Variants in TYR observed in about 807,000 individuals in gnomAD.
The protein encoded by TYR is tyrosinase.
TYR carries 58 observed loss-of-function variants against 51.5 expected under a neutral mutation model. That is an observed-to-expected ratio of 1.13 (90% CI 0.91 to 1.40). The LOEUF is 1.40. TYR is among the 40% of genes most tolerant of loss of function. The probability of loss-of-function intolerance (pLI) is 0.00; values close to 1 mark genes in which losing one functional copy is unlikely to be tolerated. For synonymous variants in TYR, 263 were observed against 235.2 expected, an observed-to-expected ratio of 1.12 and a Z score of -1.08; for missense variants, 732 against 647.4, an observed-to-expected ratio of 1.13 and a Z score of -1.42.
intron 3 of TYR, among the ~76,000 whole-genome samples, chr11:89,232,109 A>G (rs2135285041): frequency 7.0e-6 from 1 of 143,832 alleles, no homozygotes; most frequent in African/African-American, 2.7e-5. Flanking sequence ...TAGCACACGA[A>G]AAGTAAAAAG....
At chr11:89,231,303 C>T (rs1275914225) in intron 3 of TYR, among the ~76,000 whole-genome samples, 1 of 151,858 alleles carries the variant, frequency 6.6e-6, no homozygotes, top group African/African-American at 2.4e-5. Flanking sequence ...TCAGCAGTTC[C>T]ACTCCTGGGC....
At position 89,232,107 on chromosome 11, in the gene TYR, G is replaced by A. The variant is rs928920896; in HGVS notation, c.1184+4137G>A. 1.5e-4 allele frequency among the ~76,000 whole-genome samples: 22 copies of A among 143,354 alleles called. 2 individuals carry two copies. The highest frequency in any genetic ancestry group is 1.9e-4 in the Non-Finnish European group (13 of 66,690). The allele number at this position is 143,354 out of a possible 152,430, so 94.0% of individuals were successfully genotyped here. On this transcript the variant is annotated intron_variant, in intron 3 of 4. Coordinates refer to ENST00000263321, the MANE Select transcript of TYR (RefSeq NM_000372.5). Reference sequence around the variant, plus strand: ...TAGATTTTAACTGTTCTTAGCACACGAAAAGTAAAAAGTAAGTATGTGAAG... The same window carrying A: ...TAGATTTTAACTGTTCTTAGCACACAAAAAGTAAAAAGTAAGTATGTGAAG...
rs764567769 is a variant in TYR, at chr11:89,295,127, T to C, written c.1367-16T>C. The C allele has an allele frequency of 2.5e-6, 4 of 1,613,460 alleles. No individual in the cohort carries two copies. Among genetic ancestry groups the C allele is most frequent in the Non-Finnish European group, 3.4e-6 (4 of 1,179,698 alleles). On this transcript the variant is annotated splice_polypyrimidine_tract_variant and intron_variant, in intron 4 of 4. Coordinates refer to ENST00000263321, the MANE Select transcript of TYR (RefSeq NM_000372.5). The stretch of plus-strand genomic sequence containing the variant: ...GGTGGTAACAATAAAAACAATGGGA[T>C]GTCTTTTTATTTCAGACCCAGACTC...
intron 3 of TYR, among the ~76,000 whole-genome samples, chr11:89,234,288 T>G (rs1472581413): frequency 6.9e-6 from 1 of 143,918 alleles, no homozygotes; most frequent in Non-Finnish European, 1.5e-5. Context: ...AGCCTTGCTC[T>G]CAATTAGGCT....
chr11:89,243,114 T>G (rs1195986000), intron 3 of TYR, among the ~76,000 whole-genome samples: 1 of 152,196 alleles, frequency 6.6e-6, no homozygotes, highest in Non-Finnish European at 1.5e-5. Context: ...CTCAAAAGTT[T>G]GTAGGTTTTG....
intron 2 of TYR, among the ~76,000 whole-genome samples, chr11:89,208,167 G>A (rs1943697947): frequency 6.6e-6 from 1 of 152,226 alleles, no homozygotes; most frequent in Admixed American, 6.5e-5. Flanking sequence ...CTACTCGGGA[G>A]GCTGAGGCAG....
intron 2 of TYR, among the ~76,000 whole-genome samples, chr11:89,220,638 C>T (rs1455691520): frequency 6.6e-6 from 1 of 152,092 alleles, no homozygotes; most frequent in African/African-American, 2.4e-5. Context: ...CCTGTAATCC[C>T]AGCTACTCAG....
intron 3 of TYR, among the ~76,000 whole-genome samples, chr11:89,264,663 A>T (rs923986342): frequency 6.6e-6 from 1 of 151,754 alleles, no homozygotes; most frequent in Non-Finnish European, 1.5e-5. Context: ...CATGGAATCA[A>T]CCTAAATGTT....
intron 3 of TYR, among the ~76,000 whole-genome samples, chr11:89,230,312 C>A (rs886092180): frequency 1.3e-5 from 2 of 152,040 alleles, no homozygotes; most frequent in African/African-American, 4.8e-5. Context: ...CGTTTGGGGA[C>A]AATTGGATAT....
At chr11:89,251,452 G>A (rs1333344621) in intron 3 of TYR, among the ~76,000 whole-genome samples, 1 of 151,752 alleles carries the variant, frequency 6.6e-6, no homozygotes, top group East Asian at 1.9e-4. Flanking sequence ...GCATGCCCAA[G>A]ATACATCTTG....
intron 3 of TYR, among the ~76,000 whole-genome samples, chr11:89,240,580 T>A (rs572838160): frequency 6.6e-6 from 1 of 152,284 alleles, no homozygotes; most frequent in African/African-American, 2.4e-5. Context: ...CAGAAGTTAT[T>A]CCTTTTCATA....
Position 89,227,975 on chromosome 11 carries a change from G to T in TYR, c.1184+5G>T. The T allele has an allele frequency of 1.2e-6, 2 of 1,612,908 alleles. No homozygotes were observed. The highest frequency in any genetic ancestry group is 2.2e-5 in the South Asian group (2 of 91,064). On this transcript the variant is annotated splice_donor_5th_base_variant and intron_variant, in intron 3 of 4. Coordinates refer to ENST00000263321, the MANE Select transcript of TYR (RefSeq NM_000372.5). ...TCACCATGCATTTGTTGACAGGTTG[G>T]TTAATATTTCTTTATAAATAACGTG... is the stretch of plus-strand genomic sequence containing the variant.
At chr11:89,222,466 C>T (rs185403721) in intron 2 of TYR, among the ~76,000 whole-genome samples, 243 of 152,284 alleles carry the variant, frequency 1.6e-3, no homozygotes, top group African/African-American at 5.5e-3. Context: ...GTGCCGGGCA[C>T]GGTGTCTCAC....
intron 1 of TYR, among the ~76,000 whole-genome samples, chr11:89,189,037 A>G (rs1318195840): frequency 2.0e-5 from 3 of 152,122 alleles, no homozygotes; most frequent in Admixed American, 6.6e-5. Context: ...CAACTGAGAT[A>G]CAGGACTAGA....
At chr11:89,273,587 C>T (rs997959221) in intron 3 of TYR, among the ~76,000 whole-genome samples, 20 of 151,926 alleles carry the variant, frequency 1.3e-4, no homozygotes, top group African/African-American at 3.1e-4. Context: ...AGACATGACA[C>T]GAACACATGC....
chr11:89,255,977 T>C (rs1464490319), intron 3 of TYR, among the ~76,000 whole-genome samples: 1 of 151,730 alleles, frequency 6.6e-6, no homozygotes, highest in Non-Finnish European at 1.5e-5. Flanking sequence ...ATATTTTAAT[T>C]AAACAGTGGC....
chr11:89,211,745 G>C (rs368727511), intron 2 of TYR, among the ~76,000 whole-genome samples: 1 of 152,104 alleles, frequency 6.6e-6, no homozygotes, highest in African/African-American at 2.4e-5. Flanking sequence ...ACAACAAACT[G>C]TCTCTCAGAC....
At chr11:89,281,388 T>G (rs1304426542) in intron 3 of TYR, among the ~76,000 whole-genome samples, 6 of 151,670 alleles carry the variant, frequency 4.0e-5, no homozygotes, top group African/African-American at 7.3e-5. Context: ...AAGGAGAGTA[T>G]CTTTCTGAGG....
chr11:89,204,074 C>T (rs1943637155), intron 2 of TYR, among the ~76,000 whole-genome samples: 1 of 152,150 alleles, frequency 6.6e-6, no homozygotes, highest in African/African-American at 2.4e-5. Flanking sequence ...ATGTGGAGGA[C>T]CTGCAATTCT....
Sources: allele counts gnomAD v4.1 joint callset (sites outside exome capture counted in the v4.1 genomes callset), GRCh38; gene constraint gnomAD v4.1.1; transcripts MANE v1.5; gene names NCBI Gene and HGNC (gene_info 2026-07-23, HGNC 2026-07-21).